Variants in ARIH1 observed in about 807,000 individuals in gnomAD.
The protein encoded by ARIH1 is E3 ubiquitin-protein ligase ARIH1.
In ARIH1, 8 loss-of-function variants were observed where a neutral mutation model predicts 85.0. That is an observed-to-expected ratio of 0.09 (90% CI 0.06 to 0.17). The LOEUF is 0.17. Among genes scored for constraint, ARIH1 ranks in the 10% least tolerant of loss-of-function variants. The pLI is 1.00. For missense variants in ARIH1, 311 were observed against 718.1 expected, an observed-to-expected ratio of 0.43 and a Z score of 6.48; for synonymous variants, 238 against 253.6, an observed-to-expected ratio of 0.94 and a Z score of 0.59.
chr15:72,551,053 A>G (rs923334606), intron 3 of ARIH1, among the ~76,000 whole-genome samples: 2 of 152,190 alleles, frequency 1.3e-5, no homozygotes, highest in African/African-American at 4.8e-5. Context: ...TTCTGTCCTA[A>G]CGAGATATTT....
At chr15:72,488,099 G>A (rs1248908009) in intron 1 of ARIH1, among the ~76,000 whole-genome samples, 1 of 151,998 alleles carries the variant, frequency 6.6e-6, no homozygotes, top group East Asian at 1.9e-4. Flanking sequence ...GCAGTGGCAC[G>A]ATCACGGCTC....
chr15:72,554,834 A>C (rs918371737), intron 3 of ARIH1, among the ~76,000 whole-genome samples: 1 of 151,574 alleles, frequency 6.6e-6, no homozygotes, highest in South Asian at 2.1e-4. Flanking sequence ...GCTCACTACA[A>C]CCTCCGCCTC....
rs1446575793 is a variant in ARIH1, at chr15:72,474,340, G to A, written c.-300G>A. On this transcript the variant is annotated 5_prime_UTR_variant, in exon 1 of 14. Coordinates refer to ENST00000379887, the MANE Select transcript of ARIH1 (RefSeq NM_005744.5). ...CCCCTTTGTTGGCTCAGTAGCGATA[G>A]CAGCGGCCGTGGAGGTGGCGTTGGG... The A allele has an allele frequency of 1.6e-5, 6 of 382,412 alleles. No individual in the cohort carries two copies. In the East Asian group the frequency reaches 3.2e-4, roughly 20 times the overall value. The allele number at this position is 382,412 out of a possible 1,614,324, so 23.7% of individuals were successfully genotyped here. A position where few individuals can be genotyped will look rare whatever the true frequency, so the allele number is the denominator to read the frequency against.
chr15:72,536,654 C>A (rs749734507), intron 2 of ARIH1, among the ~76,000 whole-genome samples: 10 of 152,052 alleles, frequency 6.6e-5, no homozygotes, highest in African/African-American at 2.2e-4. Context: ...TATGGTTTTG[C>A]GAATTCGAGC....
At chr15:72,525,691 G>A (rs1339596353) in intron 2 of ARIH1, among the ~76,000 whole-genome samples, 3 of 152,118 alleles carry the variant, frequency 2.0e-5, no homozygotes, top group African/African-American at 4.8e-5. Flanking sequence ...AACCCACAGT[G>A]CCCAGTCCCT....
At chr15:72,570,337 G>C (rs1399165205) in intron 10 of ARIH1, 30 bp downstream of exon 10, 1 of 1,612,554 alleles carries the variant, frequency 6.2e-7, no homozygotes, top group South Asian at 1.1e-5. Context: ...GGAAGAATGT[G>C]TTTACATAAG....
intron 11 of ARIH1, among the ~76,000 whole-genome samples, chr15:72,576,833 C>T (rs1190139015): frequency 1.3e-5 from 2 of 152,112 alleles, no homozygotes; most frequent in East Asian, 3.9e-4. Flanking sequence ...CTAACCCGCC[C>T]TACCTCCGCA....
intron 1 of ARIH1, among the ~76,000 whole-genome samples, chr15:72,481,028 T>C (rs530354020): frequency 2.7e-4 from 41 of 152,368 alleles, no homozygotes; most frequent in Admixed American, 4.6e-4. Flanking sequence ...ATTGTGGTTA[T>C]GTTCATTAAT....
rs979492152 is a variant in ARIH1 at position 72,583,456 on chromosome 15, G to A, written c.*164G>A. The A allele has an allele frequency of 2.1e-5, 11 of 516,176 alleles. No homozygotes were observed. Among genetic ancestry groups the A allele is most frequent in the African/African-American group, 1.5e-4 (8 of 52,698 alleles). 32.0% of individuals were successfully genotyped at this position (516,176 alleles called of 1,614,324 possible). The stretch of plus-strand genomic sequence containing the variant: ...ATGGAAAGTTTAAGTAAATTATATT[G>A]TAATAAAAAGGTAGATAAACCATTG... On this transcript the variant is annotated 3_prime_UTR_variant, in exon 14 of 14. Coordinates refer to ENST00000379887, the MANE Select transcript of ARIH1 (RefSeq NM_005744.5).
intron 2 of ARIH1, among the ~76,000 whole-genome samples, chr15:72,537,301 C>T (rs1447520764): frequency 6.6e-6 from 1 of 152,076 alleles, no homozygotes. Flanking sequence ...GCAGTAATAT[C>T]TTTTAATTTG....
intron 2 of ARIH1, among the ~76,000 whole-genome samples, chr15:72,522,993 A>G (rs1452214771): frequency 6.6e-6 from 1 of 152,210 alleles, no homozygotes; most frequent in Non-Finnish European, 1.5e-5. Flanking sequence ...TGACTACCAA[A>G]TGTGGACCAG....
chr15:72,578,268 T>C (rs1423894045), intron 11 of ARIH1, among the ~76,000 whole-genome samples: 1 of 152,224 alleles, frequency 6.6e-6, no homozygotes, highest in Non-Finnish European at 1.5e-5. Context: ...ACCAGGAGTT[T>C]ATTGTTTCAG....
chr15:72,496,746 C>A, intron 1 of ARIH1: 1 of 940,356 alleles, frequency 1.1e-6, no homozygotes, highest in Non-Finnish European at 1.3e-6. Flanking sequence ...GTCTCTTTGG[C>A]CTTTGCCGCT....
chr15:72,557,785 C>A (rs916345774), intron 5 of ARIH1, among the ~76,000 whole-genome samples: 5 of 152,150 alleles, frequency 3.3e-5, no homozygotes, highest in Non-Finnish European at 7.4e-5. Flanking sequence ...GTTATCCCAA[C>A]AACCATTTAT....
chr15:72,602,954 C>T lies in ARIH1; in HGVS notation c.*19662C>T, dbSNP rs1175008875. ...CCCGTCTCCATTTTGCTATGGCAAACATTTTTTTCCAGAAATATATCAGAT... is the reference window on the plus strand; with the variant it reads ...CCCGTCTCCATTTTGCTATGGCAAATATTTTTTTCCAGAAATATATCAGAT... On this transcript the variant is annotated 3_prime_UTR_variant, in exon 14 of 14. Coordinates refer to ENST00000379887, the MANE Select transcript of ARIH1 (RefSeq NM_005744.5). The T allele has an allele frequency of 6.6e-6, 1 of 152,164 alleles. No homozygotes were observed. The highest frequency in any genetic ancestry group is 1.5e-5 in the Non-Finnish European group (1 of 68,034). 9.4% of individuals were successfully genotyped at this position (152,164 alleles called of 1,614,324 possible). A position where few individuals can be genotyped will look rare whatever the true frequency, so the allele number is the denominator to read the frequency against.
rs142994154 is a variant in ARIH1, at chr15:72,516,254, A to G, written c.376-1813A>G. On this transcript the variant is annotated intron_variant, in intron 1 of 13. Coordinates refer to ENST00000379887, the MANE Select transcript of ARIH1 (RefSeq NM_005744.5). ...TAGAAAATACAGTGTACTGGATGCC[A>G]CAAAGTTATAGTCATGCAATTTTAG... 1.1e-3 allele frequency among the ~76,000 whole-genome samples: 165 copies of G among 152,296 alleles called. 1 individual carries two copies. The highest frequency in any genetic ancestry group is 6.8e-3 in the Middle Eastern group (2 of 294).
rs1270055871 is a variant in ARIH1 at position 72,566,452 on chromosome 15, C to T, written c.912-111C>T. ...GTTCTCTCCTTGTATTTGCCAGTCACTAGAAACTAGTGACAATACTGTGGA... is the reference window on the plus strand; with the variant it reads ...GTTCTCTCCTTGTATTTGCCAGTCATTAGAAACTAGTGACAATACTGTGGA... On this transcript the variant is annotated intron_variant, in intron 7 of 13. Coordinates refer to ENST00000379887, the MANE Select transcript of ARIH1 (RefSeq NM_005744.5). 4.5e-6 allele frequency: 4 copies of T among 889,856 alleles called. No homozygotes were observed. The African/African-American group carries it at 5.1e-5, about 11-fold the overall frequency. The allele number at this position is 889,856 out of a possible 1,614,324, so 55.1% of individuals were successfully genotyped here. A position where few individuals can be genotyped will look rare whatever the true frequency, so the allele number is the denominator to read the frequency against.
At chr15:72,526,352 C>G (rs2064028293) in intron 2 of ARIH1, among the ~76,000 whole-genome samples, 1 of 152,124 alleles carries the variant, frequency 6.6e-6, no homozygotes, top group South Asian at 2.1e-4. Context: ...CCAGTTATTC[C>G]TCTTGTTTGC....
chr15:72,496,753 C>T (rs933682733), intron 1 of ARIH1: 7 of 964,008 alleles, frequency 7.3e-6, no homozygotes, highest in Non-Finnish European at 6.2e-6. Context: ...TGGCCTTTGC[C>T]GCTGTGGCCC....
Sources: gnomAD v4.1 joint callset for allele counts (sites outside exome capture counted in the v4.1 genomes callset) on GRCh38, gnomAD v4.1.1 for gene constraint, MANE v1.5 for transcripts, NCBI Gene and HGNC (gene_info 2026-07-23, HGNC 2026-07-21) for gene names.